The following MRPS11 variants were observed in gnomAD, a reference collection of about 807,000 sequenced individuals.
The protein encoded by MRPS11 is small ribosomal subunit protein uS11m.
In MRPS11, 27 loss-of-function variants were observed where a neutral mutation model predicts 24.3. The observed-to-expected ratio is 1.11, with a 90% confidence interval of 0.82 to 1.53. The LOEUF is 1.53. MRPS11 is among the 40% of genes most tolerant of loss of function. MRPS11 has a pLI of 0.00. For missense variants in MRPS11, 277 were observed against 256.5 expected (o/e 1.08, Z -0.55); for synonymous variants, 104 against 98.7 (o/e 1.05, Z -0.32).
intron 2 of MRPS11, chr15:88,472,306 G>A (rs536047371): frequency 5.2e-5 from 11 of 213,566 alleles, no homozygotes; most frequent in Non-Finnish European, 9.4e-5. Flanking sequence ...ATTGTGGGAA[G>A]AGGAACCTAC....
rs2055880062 is a variant in MRPS11 at position 88,479,006 on chromosome 15, TA to T, written c.*1032del. ...TCTCAAAAAAATAAATAAATATAAA[TA>T]AAAATTTAAAAAAATTAAAAAAAAA... On this transcript the variant is annotated 3_prime_UTR_variant, in exon 6 of 6. Coordinates refer to ENST00000325844, the MANE Select transcript of MRPS11 (RefSeq NM_022839.5). The T allele has an allele frequency of 6.7e-6, 1 of 149,506 alleles. No homozygotes were observed. Among genetic ancestry groups the T allele is most frequent in the African/African-American group, 2.5e-5 (1 of 40,612 alleles). 9.3% of individuals were successfully genotyped at this position (149,506 alleles called of 1,614,324 possible). A position where few individuals can be genotyped will look rare whatever the true frequency, so the allele number is the denominator to read the frequency against.
chr15:88,474,802 C>T (rs59690959), intron 3 of MRPS11, among the ~76,000 whole-genome samples: 20 of 152,104 alleles, frequency 1.3e-4, no homozygotes, highest in Non-Finnish European at 2.9e-4. Flanking sequence ...ATTCTCTTCA[C>T]TTTTGTGTAT....
chr15:88,476,990 G>A lies in MRPS11; in HGVS notation c.413G>A (p.Arg138Lys). The A allele has an allele frequency of 1.9e-6, 3 of 1,613,816 alleles. No individual in the cohort carries two copies. The highest frequency in any genetic ancestry group is 1.1e-5 in the South Asian group (1 of 90,892). ...ACTAACCACTCTGCTTCTCTCCAGA[G>A]AGCTAAACAAAAGGGCGTGATCCAC... The part of the protein sequence containing the change: ...AQTAGIAAAA[R>K]AKQKGVIHIR... The change falls in exon 5 of 6, where the codon AGA becomes AAA. Residue 138 changes from arginine to lysine, a missense_variant and splice_region_variant. Arg to Lys is a conservative substitution (Grantham distance 26, BLOSUM62 2). Coordinates refer to ENST00000325844, the MANE Select transcript of MRPS11 (RefSeq NM_022839.5).
In MRPS11 at chr15:88,475,268, TA is replaced by T. The variant is rs2055798856; in HGVS notation, c.411+30del. The T allele has an allele frequency of 6.2e-7, 1 of 1,613,476 alleles. No homozygotes were observed. The highest frequency in any genetic ancestry group is 8.5e-7 in the Non-Finnish European group (1 of 1,179,896). ...AGTGTGTGTTCCTTCTGCTTCCTTC[TA>T]GTGTGTGTTTGCTTTCTGCATGGCT... On this transcript the variant is annotated intron_variant, in intron 4 of 5. Transcript: ENST00000325844. The surrounding 1 kb of genome is among the most constrained non-coding windows in gnomAD (Gnocchi z 4.1).
Position 88,479,060 on chromosome 15 carries a change from T to C in MRPS11, c.*1081T>C, listed in dbSNP as rs1472228529. 1 of 146,176 alleles carries C rather than the reference T, an allele frequency of 6.8e-6. No individual in the cohort carries two copies. Among genetic ancestry groups the C allele is most frequent in the Non-Finnish European group, 1.5e-5 (1 of 66,206 alleles). 9.1% of individuals were successfully genotyped at this position (146,176 alleles called of 1,614,324 possible). ...CCTGATGATTCTCTAGAAAATAGGG[T>C]GGATGGCAGGATGGGCTTGAGTAGA... On this transcript the variant is annotated 3_prime_UTR_variant, in exon 6 of 6. Coordinates refer to ENST00000325844, the MANE Select transcript of MRPS11 (RefSeq NM_022839.5).
At chr15:88,468,243 G>C (rs2142204276) in intron 2 of MRPS11, 2 of 1,381,478 alleles carry the variant, frequency 1.4e-6, no homozygotes, top group Non-Finnish European at 1.9e-6. Flanking sequence ...TAAATGTTCA[G>C]TGAACATTCG....
rs2055870390 is a variant in MRPS11 at position 88,478,543 on chromosome 15, A to G, written c.*564A>G. ...TCTGATGGATTTCGCCATTATGGGC[A>G]TGTTTAAAGTTAGCCCTAAACACAG... On this transcript the variant is annotated 3_prime_UTR_variant, in exon 6 of 6. Coordinates refer to ENST00000325844, the MANE Select transcript of MRPS11 (RefSeq NM_022839.5). This position sits in a 1 kb window ranked among gnomAD's most constrained non-coding sequence, Gnocchi z 4.7. The G allele has an allele frequency of 6.4e-6, 1 of 156,656 alleles. No individual in the cohort carries two copies. 9.7% of individuals were successfully genotyped at this position (156,656 alleles called of 1,614,324 possible). A position where few individuals can be genotyped will look rare whatever the true frequency, so the allele number is the denominator to read the frequency against.
chr15:88,468,158 G>T (rs1177535838), intron 2 of MRPS11, 134 bp downstream of exon 2: 1 of 1,457,430 alleles, frequency 6.9e-7, no homozygotes, highest in Non-Finnish European at 9.1e-7. Context: ...ATAAATCTGA[G>T]CCTCAGCCTT....
chr15:88,472,609 T>C lies in MRPS11; in HGVS notation c.183-18T>C. ...AAAGTCGAGACAATTTTAAATAAAA[T>C]CTTTCTTCTAATTGCAGCATTTACC... On this transcript the variant is annotated intron_variant, in intron 2 of 5. Transcript: ENST00000325844. The C allele has an allele frequency of 6.3e-7, 1 of 1,592,260 alleles. No homozygotes were observed. The highest frequency in any genetic ancestry group is 8.6e-7 in the Non-Finnish European group (1 of 1,162,888).
chr15:88,468,532 T>C, intron 2 of MRPS11: 1 of 988,308 alleles, frequency 1.0e-6, no homozygotes, highest in Non-Finnish European at 1.2e-6. Context: ...TTAACAAACA[T>C]TTACCAAGAA....
intron 2 of MRPS11, chr15:88,468,691 T>G (rs2142205347): frequency 4.6e-6 from 1 of 217,466 alleles, no homozygotes; most frequent in Middle Eastern, 2.4e-3. Flanking sequence ...GAGGTAAGCA[T>G]TGGTTGGAAG....
At chr15:88,472,591 A>G (rs772055543) in intron 2 of MRPS11, 36 bp from the exon 3 acceptor site, 6 of 1,548,476 alleles carry the variant, frequency 3.9e-6, no homozygotes, top group South Asian at 1.1e-5. Flanking sequence ...TAAAAAGTCG[A>G]GACAATTTTA....
chr15:88,475,574 G>A lies in MRPS11; in HGVS notation c.411+335G>A, dbSNP rs112639075. On this transcript the variant is annotated intron_variant, in intron 4 of 5. Coordinates refer to ENST00000325844, the MANE Select transcript of MRPS11 (RefSeq NM_022839.5). The surrounding 1 kb of genome is among the most constrained non-coding windows in gnomAD (Gnocchi z 4.1). ...TGTAGTTCCAGCTACTTGGGAGGCTGAGGCTGGATGGCTTGAGCCCAAGAG... is the reference window on the plus strand; with the variant it reads ...TGTAGTTCCAGCTACTTGGGAGGCTAAGGCTGGATGGCTTGAGCCCAAGAG... Among the ~76,000 whole-genome samples, 39 of 152,330 alleles carry A rather than the reference G, an allele frequency of 2.6e-4. No homozygotes were observed. The highest frequency in any genetic ancestry group is 8.9e-4 in the African/African-American group (37 of 41,580).
intron 2 of MRPS11, among the ~76,000 whole-genome samples, chr15:88,471,302 G>A (rs955511524): frequency 3.9e-5 from 6 of 152,214 alleles, no homozygotes; most frequent in South Asian, 2.1e-4. Flanking sequence ...TGTAAACTTT[G>A]AATACCAATG....
At chr15:88,474,633 T>G (rs2055783768) in intron 3 of MRPS11, among the ~76,000 whole-genome samples, 1 of 152,154 alleles carries the variant, frequency 6.6e-6, no homozygotes, top group Non-Finnish European at 1.5e-5. Context: ...AGCTATGTAC[T>G]GAAATATTTA....
Position 88,477,762 on chromosome 15 carries a change from C to A in MRPS11, c.478-110C>A. ...TATCAAAGCCAGTGAGCATCTCACC[C>A]CTCCGTTCCCTTCTCTACGCCACCC... On this transcript the variant is annotated intron_variant, in intron 5 of 5. Transcript: ENST00000325844. The surrounding 1 kb of genome is among the most constrained non-coding windows in gnomAD (Gnocchi z 5.7). The A allele has an allele frequency of 1.2e-6, 1 of 864,652 alleles. No homozygotes were observed. Among genetic ancestry groups the A allele is most frequent in the South Asian group, 1.4e-5 (1 of 70,656 alleles). 53.6% of individuals were successfully genotyped at this position (864,652 alleles called of 1,614,324 possible). A position where few individuals can be genotyped will look rare whatever the true frequency, so the allele number is the denominator to read the frequency against.
intron 2 of MRPS11, among the ~76,000 whole-genome samples, chr15:88,471,800 C>T (rs562509071): frequency 6.6e-6 from 1 of 152,194 alleles, no homozygotes; most frequent in Non-Finnish European, 1.5e-5. Flanking sequence ...TTGAACGCAA[C>T]ACAATGTGTT....
rs751087662 is a variant in MRPS11, at chr15:88,467,753, G to C, written c.36G>C (p.Leu12=). 6.2e-7 allele frequency: 1 copy of C among 1,613,932 alleles called. No homozygotes were observed. Among genetic ancestry groups the C allele is most frequent in the Non-Finnish European group, 8.5e-7 (1 of 1,180,028 alleles). ...TGAGAAACGCGGGGTCGCGGTTCCTGCGGTCCTGGACTTGGCCCCAGACAG... is the reference window on the plus strand; with the variant it reads ...TGAGAAACGCGGGGTCGCGGTTCCTCCGGTCCTGGACTTGGCCCCAGACAG... ...QAVRNAGSRF[L]RSWTWPQTAG... Residue 12 remains leucine (L), a synonymous_variant, in exon 1 of 6, where the codon CTG becomes CTC. Transcript: ENST00000325844.
chr15:88,474,499 C>T (rs2055779966), intron 3 of MRPS11, among the ~76,000 whole-genome samples: 1 of 149,820 alleles, frequency 6.7e-6, no homozygotes, highest in Admixed American at 6.6e-5. Flanking sequence ...GCGGAGGTTA[C>T]TGTGAGCCAA....
Sources: allele counts gnomAD v4.1 joint callset (sites outside exome capture counted in the v4.1 genomes callset), GRCh38; gene constraint gnomAD v4.1.1; non-coding constraint Gnocchi (gnomAD v3.1); transcripts MANE v1.5; gene names NCBI Gene and HGNC (gene_info 2026-07-23, HGNC 2026-07-21).